NEGR1: variants seen among roughly 807,000 people sequenced by gnomAD.
NEGR1 encodes the protein IgLON family member 4.
In NEGR1, 10 loss-of-function variants were observed where a neutral mutation model predicts 40.9. The observed-to-expected ratio is 0.24, with a 90% CI of 0.15 to 0.42. The LOEUF (loss-of-function observed/expected upper bound fraction) is 0.42, where lower values mean the gene tolerates loss of function less well. Ranked by LOEUF, NEGR1 falls within the 10% of genes least tolerant of loss-of-function variation. NEGR1 has a pLI of 1.00. For synonymous variants in NEGR1, 185 were observed against 166.8 expected (o/e 1.11, Z -0.84); for missense variants, 352 against 438.9 (o/e 0.80, Z 1.77).
chr1:71,898,135 T>G (rs1166034666), intron 2 of NEGR1, among the ~76,000 whole-genome samples: 1 of 152,192 alleles, frequency 6.6e-6, no homozygotes, highest in Non-Finnish European at 1.5e-5. Flanking sequence ...CTTCTGAAAT[T>G]GGCTAAAAGT....
intron 6 of NEGR1, among the ~76,000 whole-genome samples, chr1:71,572,097 C>G (rs1648827210): frequency 6.6e-6 from 1 of 152,080 alleles, no homozygotes; most frequent in African/African-American, 2.4e-5. Flanking sequence ...CTGATGATTT[C>G]TGGGTTTAAA....
chr1:72,247,860 A>T (rs1654950800), intron 1 of NEGR1, among the ~76,000 whole-genome samples: 1 of 152,168 alleles, frequency 6.6e-6, no homozygotes, highest in Non-Finnish European at 1.5e-5. Flanking sequence ...GGAGGGGCTT[A>T]ATCGGCTCAC....
At chr1:71,664,099 T>C (rs1052893830) in intron 4 of NEGR1, among the ~76,000 whole-genome samples, 2 of 152,200 alleles carry the variant, frequency 1.3e-5, no homozygotes, top group African/African-American at 4.8e-5. Context: ...TTTTTGTGTG[T>C]GATTTAATTT....
chr1:71,653,021 C>T (rs1651767773), intron 4 of NEGR1, among the ~76,000 whole-genome samples: 1 of 152,180 alleles, frequency 6.6e-6, no homozygotes, highest in Admixed American at 6.5e-5. Flanking sequence ...TCCCTGCCCC[C>T]ATTTCAAAGT....
At chr1:72,227,026 T>A (rs1374490027) in intron 1 of NEGR1, among the ~76,000 whole-genome samples, 2 of 152,102 alleles carry the variant, frequency 1.3e-5, no homozygotes, top group Non-Finnish European at 2.9e-5. Flanking sequence ...TATGTTTAAA[T>A]AATGAATTTA....
chr1:72,141,926 A>C (rs1331664796), intron 1 of NEGR1, among the ~76,000 whole-genome samples: 2 of 151,758 alleles, frequency 1.3e-5, no homozygotes, highest in Admixed American at 1.3e-4. Flanking sequence ...TCATGAAGGT[A>C]ATAATTAACA....
At chr1:72,198,609 G>GT (rs1394615158) in intron 1 of NEGR1, among the ~76,000 whole-genome samples, 3 of 151,732 alleles carry the variant, frequency 2.0e-5, no homozygotes, top group South Asian at 2.1e-4. Context: ...TCCTGATACT[G>GT]TTTTTTTCTG....
intron 1 of NEGR1, among the ~76,000 whole-genome samples, chr1:72,210,812 C>G (rs1268635592): frequency 2.0e-5 from 3 of 151,624 alleles, no homozygotes; most frequent in Non-Finnish European, 4.4e-5. Context: ...CAATATAAAC[C>G]AACGTATTTT....
intron 1 of NEGR1, among the ~76,000 whole-genome samples, chr1:72,174,790 G>T (rs1323453778): frequency 6.6e-6 from 1 of 152,026 alleles, no homozygotes; most frequent in Admixed American, 6.5e-5. Context: ...TCGGCTTTAT[G>T]CCTCTATAAC....
intron 2 of NEGR1, among the ~76,000 whole-genome samples, chr1:71,841,803 A>G (rs1440974864): frequency 1.3e-5 from 2 of 152,166 alleles, no homozygotes; most frequent in Non-Finnish European, 2.9e-5. Flanking sequence ...AAAGAAAAGA[A>G]TACATTTTCT....
At position 71,763,951 on chromosome 1, in the gene NEGR1, C is replaced by T. The variant is rs189842360; in HGVS notation, c.535+12221G>A. Among the ~76,000 whole-genome samples, 5 of 152,158 alleles carry T rather than the reference C, an allele frequency of 3.3e-5. No individual in the cohort carries two copies. The East Asian group carries it at 9.7e-4, about 29-fold the overall frequency. On this transcript the variant is annotated intron_variant, in intron 3 of 6. Transcript: ENST00000357731. The stretch of plus-strand genomic sequence containing the variant: ...TTGGTTCAGCAATCTTTACAGATTC[C>T]CTACTTTGTGCCAAGCCTTGTGCTA...
At chr1:71,887,899 C>T (rs566574979) in intron 2 of NEGR1, among the ~76,000 whole-genome samples, 1 of 152,096 alleles carries the variant, frequency 6.6e-6, no homozygotes, top group African/African-American at 2.4e-5. Flanking sequence ...CCCCTACCCC[C>T]ACCTGGAGTC....
At chr1:71,424,569 T>C (rs1646417219) in intron 6 of NEGR1, among the ~76,000 whole-genome samples, 1 of 152,188 alleles carries the variant, frequency 6.6e-6, no homozygotes, top group Non-Finnish European at 1.5e-5. Context: ...AATCTGGAGA[T>C]GATCTGGGTG....
intron 4 of NEGR1, among the ~76,000 whole-genome samples, chr1:71,669,668 T>C (rs767499772): frequency 2.0e-5 from 3 of 151,332 alleles, no homozygotes; most frequent in Non-Finnish European, 2.9e-5. Flanking sequence ...ACTTTTTTTT[T>C]TGAGATGGAG....
rs1039573827 is a variant in NEGR1 at position 71,396,705 on chromosome 1, T to C, written c.*10741A>G. On this transcript the variant is annotated 3_prime_UTR_variant, in exon 7 of 7. Coordinates refer to ENST00000357731, the MANE Select transcript of NEGR1 (RefSeq NM_173808.3). ...AGTCTCATGAGATCTGATGGTTTTA[T>C]AAGCGGGAGTTTTCCTTCACAAGTT... 6.5e-6 allele frequency: 1 copy of C among 153,604 alleles called. No individual in the cohort carries two copies. The highest frequency in any genetic ancestry group is 1.4e-5 in the Non-Finnish European group (1 of 69,168). The allele number at this position is 153,604 out of a possible 1,614,324, so 9.5% of individuals were successfully genotyped here.
chr1:71,911,846 C>G (rs926834753), intron 2 of NEGR1, among the ~76,000 whole-genome samples: 2 of 152,150 alleles, frequency 1.3e-5, no homozygotes, highest in African/African-American at 4.8e-5. Context: ...GGTTTTGGTA[C>G]TTTCTATTGG....
At chr1:71,452,776 TA>T (rs1470344986) in intron 6 of NEGR1, among the ~76,000 whole-genome samples, 1 of 147,626 alleles carries the variant, frequency 6.8e-6, no homozygotes, top group East Asian at 2.0e-4. Flanking sequence ...GAAAGTGCAT[TA>T]AAAGTACAGT....
chr1:71,917,575 G>A (rs1661619951), intron 2 of NEGR1, among the ~76,000 whole-genome samples: 1 of 151,802 alleles, frequency 6.6e-6, no homozygotes, highest in South Asian at 2.1e-4. Flanking sequence ...CGGATCACGA[G>A]GTCAGCAAAT....
chr1:72,143,106 A>C (rs1413013907), intron 1 of NEGR1, among the ~76,000 whole-genome samples: 1 of 151,986 alleles, frequency 6.6e-6, no homozygotes, highest in Non-Finnish European at 1.5e-5. Context: ...CTTTTAAAAT[A>C]AATTATTTCT....
Sources: allele counts gnomAD v4.1 joint callset (sites outside exome capture counted in the v4.1 genomes callset), GRCh38; gene constraint gnomAD v4.1.1; transcripts MANE v1.5; gene names NCBI Gene and HGNC (gene_info 2026-07-23, HGNC 2026-07-21).